OPCML: variants seen among roughly 807,000 people sequenced by gnomAD.
OPCML encodes opioid binding protein/cell adhesion molecule like.
In OPCML, 13 loss-of-function variants were observed where a neutral mutation model predicts 37.8. The ratio of observed to expected loss-of-function variants is 0.34; its 90% CI spans 0.22 to 0.55. The LOEUF (loss-of-function observed/expected upper bound fraction) is 0.55, where lower values mean the gene tolerates loss of function less well. OPCML is among the 20% of genes least tolerant of loss of function. The probability of loss-of-function intolerance (pLI) is 0.91; values close to 1 mark genes in which losing one functional copy is unlikely to be tolerated. For synonymous variants in OPCML, 176 were observed against 168.8 expected (o/e 1.04, Z -0.33); for missense variants, 341 against 435.6 (o/e 0.78, Z 1.93).
intron 3 of OPCML, 24 bp from the exon 4 acceptor site, chr11:132,529,210 A>C: frequency 6.3e-7 from 1 of 1,583,548 alleles, no homozygotes; most frequent in African/African-American, 1.3e-5. Flanking sequence ...GGATAGAAGA[A>C]ATACCTGAGA....
At chr11:132,457,990 A>G (rs1050097782) in intron 4 of OPCML, among the ~76,000 whole-genome samples, 3 of 152,170 alleles carry the variant, frequency 2.0e-5, no homozygotes, top group Admixed American at 2.0e-4. Flanking sequence ...AACCAATAAC[A>G]TGGAATTTGT....
At chr11:132,523,044 CT>C (rs2096298097) in intron 4 of OPCML, among the ~76,000 whole-genome samples, 1 of 152,198 alleles carries the variant, frequency 6.6e-6, no homozygotes, top group Non-Finnish European at 1.5e-5. Context: ...TCAAGCGATT[CT>C]CCTGCGTCAG....
chr11:132,663,166 C>T (rs1338838915), intron 2 of OPCML, among the ~76,000 whole-genome samples: 1 of 152,204 alleles, frequency 6.6e-6, no homozygotes, highest in African/African-American at 2.4e-5. Context: ...TTTATACTCT[C>T]ATGTGTTAAA....
intron 1 of OPCML, among the ~76,000 whole-genome samples, chr11:133,394,010 G>T (rs1056552010): frequency 1.3e-5 from 2 of 152,110 alleles, no homozygotes; most frequent in African/African-American, 4.8e-5. Context: ...ACACTTTAGT[G>T]TGCCCTCCAC....
chr11:132,601,691 G>C (rs796679307), intron 3 of OPCML, among the ~76,000 whole-genome samples: 8 of 152,274 alleles, frequency 5.3e-5, no homozygotes, highest in African/African-American at 1.9e-4. Context: ...CTAGGTATTG[G>C]TCCTTGAAGA....
In OPCML at chr11:132,495,178, A is replaced by C. The variant is rs187766311; in HGVS notation, c.505+33883T>G. 5.3e-3 allele frequency among the ~76,000 whole-genome samples: 812 copies of C among 152,272 alleles called. 10 individuals carry two copies. Among genetic ancestry groups the C allele is most frequent in the African/African-American group, 0.019 (772 of 41,538 alleles). Reference sequence around the variant, plus strand: ...TAATCCCTTCTGTTCCATTTTACCCAAAAAACATTTATTGAGCCTTCATCC... The same window carrying C: ...TAATCCCTTCTGTTCCATTTTACCCCAAAAACATTTATTGAGCCTTCATCC... On this transcript the variant is annotated intron_variant, in intron 4 of 7. Coordinates refer to ENST00000524381, the MANE Select transcript of OPCML (RefSeq NM_001012393.5).
At chr11:133,146,044 T>G (rs1402007955) in intron 1 of OPCML, among the ~76,000 whole-genome samples, 1 of 152,186 alleles carries the variant, frequency 6.6e-6, no homozygotes, top group Non-Finnish European at 1.5e-5. Flanking sequence ...CATAGATCCA[T>G]GATTGAAGCG....
intron 4 of OPCML, among the ~76,000 whole-genome samples, chr11:132,450,182 T>C (rs926539523): frequency 3.3e-5 from 5 of 152,200 alleles, no homozygotes; most frequent in Admixed American, 6.5e-5. Context: ...CTCCAGGCCT[T>C]GATCAAATAA....
intron 1 of OPCML, among the ~76,000 whole-genome samples, chr11:133,345,909 C>G (rs903645333): frequency 6.6e-6 from 1 of 152,158 alleles, no homozygotes; most frequent in African/African-American, 2.4e-5. Context: ...CACAGGCACT[C>G]TAGATTTCGT....
At chr11:133,290,405 A>G (rs934185606) in intron 1 of OPCML, among the ~76,000 whole-genome samples, 7 of 152,172 alleles carry the variant, frequency 4.6e-5, no homozygotes, top group African/African-American at 1.4e-4. Context: ...AGTGCAATCA[A>G]TGGACAAATC....
chr11:132,787,957 T>G (rs1481999816), intron 2 of OPCML, among the ~76,000 whole-genome samples: 1 of 152,222 alleles, frequency 6.6e-6, no homozygotes, highest in Non-Finnish European at 1.5e-5. Context: ...CTCGGCTCAC[T>G]GCAACCTCCG....
At chr11:133,141,104 A>AAGAAGAAGAAGAAGC (rs1565469412) in intron 1 of OPCML, among the ~76,000 whole-genome samples, 7 of 135,182 alleles carry the variant, frequency 5.2e-5, no homozygotes, top group African/African-American at 8.1e-5. Context: ...GGAGAAGAAG[A>AAGAAGAAGAAGAAGC]AGCAGCTGAA....
intron 4 of OPCML, among the ~76,000 whole-genome samples, chr11:132,478,181 T>C (rs998724969): frequency 2.0e-5 from 3 of 152,216 alleles, no homozygotes; most frequent in Admixed American, 6.5e-5. Context: ...TGTATTCAAA[T>C]AGACTTAGAA....
Position 133,242,858 on chromosome 11 carries a change from T to C in OPCML, c.61+289406A>G, listed in dbSNP as rs1401080064. 5.9e-5 allele frequency among the ~76,000 whole-genome samples: 9 copies of C among 152,320 alleles called. No homozygotes were observed. The East Asian group carries it at 1.7e-3, about 29-fold the overall frequency. ...GCTGTTAATTTTGGAAAGGGAATAT[T>C]ATACATGTGCTTGTGATTGTTTTAT... On this transcript the variant is annotated intron_variant, in intron 1 of 7. Transcript: ENST00000524381.
chr11:132,782,166 G>A lies in OPCML; in HGVS notation c.147-124847C>T, dbSNP rs141926726. On this transcript the variant is annotated intron_variant, in intron 2 of 7. Coordinates refer to ENST00000524381, the MANE Select transcript of OPCML (RefSeq NM_001012393.5). ...CTGAGAGAGTCAGTGGTGACAAATCGACTCATTTAATAAAAAGATGTGAAT... is the reference window on the plus strand; with the variant it reads ...CTGAGAGAGTCAGTGGTGACAAATCAACTCATTTAATAAAAAGATGTGAAT... 5.9e-4 allele frequency among the ~76,000 whole-genome samples: 89 copies of A among 151,812 alleles called. No individual in the cohort carries two copies. In the East Asian group the frequency reaches 0.015, roughly 26 times the overall value.
chr11:132,638,092 G>A (rs574341602), intron 3 of OPCML, among the ~76,000 whole-genome samples: 74 of 150,842 alleles, frequency 4.9e-4, no homozygotes, highest in African/African-American at 1.5e-3. Context: ...GAGGCACTAC[G>A]TGGAGAAGCA....
intron 1 of OPCML, among the ~76,000 whole-genome samples, chr11:133,274,092 T>G (rs1260941430): frequency 1.3e-5 from 2 of 152,206 alleles, no homozygotes; most frequent in African/African-American, 4.8e-5. Context: ...AGTACACACC[T>G]GTTTGTTCAA....
intron 1 of OPCML, among the ~76,000 whole-genome samples, chr11:133,423,901 C>G (rs1200555704): frequency 6.6e-6 from 1 of 152,214 alleles, no homozygotes; most frequent in East Asian, 1.9e-4. Flanking sequence ...CATGTGACAA[C>G]CTGGCTCTCC....
At chr11:133,051,450 C>T (rs1415718797) in intron 1 of OPCML, among the ~76,000 whole-genome samples, 1 of 152,170 alleles carries the variant, frequency 6.6e-6, no homozygotes, top group Admixed American at 6.5e-5. Context: ...AGCACCCCTT[C>T]CTGTTCAGGG....
Sources: gnomAD v4.1 joint callset for allele counts (sites outside exome capture counted in the v4.1 genomes callset) on GRCh38, gnomAD v4.1.1 for gene constraint, MANE v1.5 for transcripts, NCBI Gene and HGNC (gene_info 2026-07-23, HGNC 2026-07-21) for gene names.